Variants in OR1D2 observed in about 807,000 individuals in gnomAD.
The protein encoded by OR1D2 is olfactory receptor family 1 subfamily D member 2.
For synonymous variants in OR1D2, 157 were observed against 153.9 expected (o/e 1.02, Z -0.15); for missense variants, 357 against 376.1 (o/e 0.95, Z 0.42).
chr17:3,100,697 C>T (rs934270385), intron 1 of OR1D2, among the ~76,000 whole-genome samples: 1 of 151,874 alleles, frequency 6.6e-6, no homozygotes, highest in Non-Finnish European at 1.5e-5. Context: ...GAGATAGAGA[C>T]ACAAAAAAAC....
At position 3,092,980 on chromosome 17, in the gene OR1D2, T is replaced by C. The variant is rs767243707; in HGVS notation, c.17A>G (p.Gln6Arg). 31 of 1,613,874 alleles carry C rather than the reference T, an allele frequency of 1.9e-5. No homozygotes were observed. The highest frequency in any genetic ancestry group is 2.5e-5 in the Non-Finnish European group (30 of 1,179,940). MDGGN[Q>R]SEGSEFLLLG... ...GAGAAGGAACTCTGAACCTTCACTC[T>C]GGTTGCCTCCATCCATTTCCCCAAC... Residue 6 changes from glutamine (Q) to arginine (R), a missense_variant, in exon 2 of 2, where the codon CAG (glutamine) becomes CGG (arginine). Transcript: ENST00000641833.
Position 3,092,799 on chromosome 17 carries a change from G to C in OR1D2, c.198C>G (p.Leu66=), listed in dbSNP as rs2151706865. 1 of 1,614,136 alleles carries C rather than the reference G, an allele frequency of 6.2e-7. No individual in the cohort carries two copies. The highest frequency in any genetic ancestry group is 8.5e-7 in the Non-Finnish European group (1 of 1,180,036). Residue 66 remains leucine (L), a synonymous_variant, in exon 2 of 2, where the codon CTC becomes CTG. Coordinates refer to ENST00000641833, the MANE Select transcript of OR1D2 (RefSeq NM_002548.3). ...HTPVYFFLAN[L]SFTDLFFVTN... is the part of the protein sequence containing the mutation. Reference sequence around the variant, plus strand: ...TGACAAAGAAGAGGTCAGTGAAGGAGAGGTTGGCCAGGAAGAAGTACACGG... The same window carrying C: ...TGACAAAGAAGAGGTCAGTGAAGGACAGGTTGGCCAGGAAGAAGTACACGG...
rs745632583 is a variant in OR1D2, at chr17:3,093,015, A to C, written c.-19T>G. 1 of 1,605,404 alleles carries C rather than the reference A, an allele frequency of 6.2e-7. No individual in the cohort carries two copies. The highest frequency in any genetic ancestry group is 8.5e-7 in the Non-Finnish European group (1 of 1,173,846). On this transcript the variant is annotated 5_prime_UTR_variant, in exon 2 of 2. Transcript: ENST00000641833. The stretch of plus-strand genomic sequence containing the variant: ...CATCCATTTCCCCAACTCTCTTTTA[A>C]CATTAACACCAGCAAATGTTTACCA...
chr17:3,096,701 A>G (rs371016002), intron 1 of OR1D2, among the ~76,000 whole-genome samples: 3 of 152,258 alleles, frequency 2.0e-5, no homozygotes, highest in Non-Finnish European at 4.4e-5. Context: ...GTAAACATAT[A>G]TGCACCCAAA....
Position 3,093,028 on chromosome 17 carries a change from C to A in OR1D2, c.-32G>T, listed in dbSNP as rs575890680. The stretch of plus-strand genomic sequence containing the variant: ...AACTCTCTTTTAACATTAACACCAG[C>A]AAATGTTTACCAAAAGTCCTTAATT... On this transcript the variant is annotated 5_prime_UTR_variant, in exon 2 of 2. Transcript: ENST00000641833. 4.4e-6 allele frequency: 7 copies of A among 1,578,082 alleles called. No homozygotes were observed. The South Asian group carries it at 7.9e-5, about 18-fold the overall frequency.
At position 3,088,846 on chromosome 17, in the gene OR1D2, G is replaced by C. The variant is rs908120079; in HGVS notation, c.*3212C>G. On this transcript the variant is annotated 3_prime_UTR_variant, in exon 2 of 2. Coordinates refer to ENST00000641833, the MANE Select transcript of OR1D2 (RefSeq NM_002548.3). ...GTTTTTACTTCTTTCTTTGGAGGCAGAAATTGGGCATAAGACAATATGAGG... is the reference window on the plus strand; with the variant it reads ...GTTTTTACTTCTTTCTTTGGAGGCACAAATTGGGCATAAGACAATATGAGG... 1 of 151,592 alleles carries C rather than the reference G, an allele frequency of 6.6e-6. No homozygotes were observed. Among genetic ancestry groups the C allele is most frequent in the Admixed American group, 6.6e-5 (1 of 15,242 alleles). 9.4% of individuals were successfully genotyped at this position (151,592 alleles called of 1,614,324 possible).
At chr17:3,094,557 C>T (rs542298137) in intron 1 of OR1D2, among the ~76,000 whole-genome samples, 4 of 152,114 alleles carry the variant, frequency 2.6e-5, no homozygotes, top group African/African-American at 9.6e-5. Context: ...GAGACTAGTA[C>T]CCTGAATTGT....
In OR1D2 at chr17:3,091,233, GT is replaced by G. The variant is rs1189176798; in HGVS notation, c.*824del. 1 of 152,156 alleles carries G rather than the reference GT, an allele frequency of 6.6e-6. No homozygotes were observed. Among genetic ancestry groups the G allele is most frequent in the Non-Finnish European group, 1.5e-5 (1 of 68,024 alleles). 9.4% of individuals were successfully genotyped at this position (152,156 alleles called of 1,614,324 possible). A position where few individuals can be genotyped will look rare whatever the true frequency, so the allele number is the denominator to read the frequency against. On this transcript the variant is annotated 3_prime_UTR_variant, in exon 2 of 2. Transcript: ENST00000641833. ...ATACAACTGTCGATTCCACCATCTT[GT>G]TGACATCACTCCTTTCACCCGTTTT...
At chr17:3,097,895 C>A (rs1231957128) in intron 1 of OR1D2, among the ~76,000 whole-genome samples, 2 of 152,190 alleles carry the variant, frequency 1.3e-5, no homozygotes, top group Non-Finnish European at 2.9e-5. Flanking sequence ...GCCCAACACA[C>A]CCCTATGGTC....
chr17:3,100,312 AAAT>A (rs2047868818), intron 1 of OR1D2, among the ~76,000 whole-genome samples: 1 of 152,130 alleles, frequency 6.6e-6, no homozygotes, highest in Non-Finnish European at 1.5e-5. Flanking sequence ...AAAAGAACTG[AAAT>A]AATAACAGTC....
intron 1 of OR1D2, among the ~76,000 whole-genome samples, chr17:3,094,613 A>G (rs2047834379): frequency 1.3e-5 from 2 of 152,268 alleles, no homozygotes; most frequent in Admixed American, 1.3e-4. Flanking sequence ...AAATTTATGA[A>G]CCATGAAAAG....
intron 1 of OR1D2, among the ~76,000 whole-genome samples, chr17:3,096,337 A>G (rs2047844512): frequency 6.6e-6 from 1 of 152,236 alleles, no homozygotes; most frequent in African/African-American, 2.4e-5. Context: ...TTCTACAGAA[A>G]ACCTACTTGA....
intron 1 of OR1D2, among the ~76,000 whole-genome samples, chr17:3,095,502 A>G (rs2047840025): frequency 6.6e-6 from 1 of 152,140 alleles, no homozygotes; most frequent in African/African-American, 2.4e-5. Flanking sequence ...TCTTATAAAA[A>G]CTACTAAAGA....
intron 1 of OR1D2, among the ~76,000 whole-genome samples, chr17:3,101,709 A>G (rs1355421607): frequency 6.6e-6 from 1 of 152,236 alleles, no homozygotes; most frequent in Non-Finnish European, 1.5e-5. Flanking sequence ...GGATTCAAAT[A>G]GGAAGAGAGG....
chr17:3,096,998 A>AAAAATAC (rs1160898566), intron 1 of OR1D2, among the ~76,000 whole-genome samples: 2 of 152,254 alleles, frequency 1.3e-5, no homozygotes, highest in African/African-American at 4.8e-5. Context: ...AAAGGCTAGA[A>AAAAATAC]AAAATACAAA....
intron 1 of OR1D2, among the ~76,000 whole-genome samples, chr17:3,095,740 C>G (rs1351416163): frequency 6.6e-6 from 1 of 151,506 alleles, no homozygotes; most frequent in Non-Finnish European, 1.5e-5. Flanking sequence ...TATTTAAACA[C>G]CATTTATGTA....
At chr17:3,098,859 T>C (rs4060719) in intron 1 of OR1D2, among the ~76,000 whole-genome samples, 38,484 of 151,998 alleles carry the variant, frequency 0.25, 7,320 homozygotes, top group African/African-American at 0.53. Context: ...CTGAAAAACA[T>C]AGCATGAGAA....
At chr17:3,097,269 C>A (rs2047850591) in intron 1 of OR1D2, among the ~76,000 whole-genome samples, 2 of 152,096 alleles carry the variant, frequency 1.3e-5, no homozygotes, top group Admixed American at 6.6e-5. Flanking sequence ...TGAAAGCATT[C>A]CTACTGAGAA....
chr17:3,103,481 A>C (rs1323256586), intron 1 of OR1D2, among the ~76,000 whole-genome samples: 3 of 152,204 alleles, frequency 2.0e-5, no homozygotes, highest in African/African-American at 7.2e-5. Context: ...GTGATGCTTC[A>C]TAACAAAAAG....
Sources: gnomAD v4.1 joint callset for allele counts (sites outside exome capture counted in the v4.1 genomes callset) on GRCh38, gnomAD v4.1.1 for gene constraint, MANE v1.5 for transcripts, NCBI Gene and HGNC (gene_info 2026-07-23, HGNC 2026-07-21) for gene names.